Variants in CERS6 observed in about 807,000 individuals in gnomAD.
The protein encoded by CERS6 is ceramide synthase 6, also known as LAG1 homolog, ceramide synthase 6.
CERS6 carries 26 observed loss-of-function variants against 56.8 expected under a neutral mutation model. The ratio of observed to expected loss-of-function variants is 0.46; its 90% confidence interval spans 0.34 to 0.63. The LOEUF (loss-of-function observed/expected upper bound fraction) is 0.63, where lower values mean the gene tolerates loss of function less well. Ranked by LOEUF, CERS6 falls within the 30% of genes least tolerant of loss-of-function variation. The pLI is 0.01. For synonymous variants in CERS6, 164 were observed against 173.3 expected (o/e 0.95, Z 0.42); for missense variants, 415 against 467.5 (o/e 0.89, Z 1.04).
intron 6 of CERS6, among the ~76,000 whole-genome samples, chr2:168,714,136 C>G (rs1487051748): frequency 6.6e-6 from 1 of 152,202 alleles, no homozygotes; most frequent in African/African-American, 2.4e-5. Context: ...AGGGGCAAAG[C>G]AGTTCTCTGG....
chr2:168,490,354 G>A (rs1694348194), intron 1 of CERS6, among the ~76,000 whole-genome samples: 1 of 152,182 alleles, frequency 6.6e-6, no homozygotes, highest in African/African-American at 2.4e-5. Context: ...TGGAGTATGA[G>A]TGGCTCAGGC....
At chr2:168,589,253 A>G (rs1413836898) in intron 3 of CERS6, among the ~76,000 whole-genome samples, 1 of 151,864 alleles carries the variant, frequency 6.6e-6, no homozygotes, top group Non-Finnish European at 1.5e-5. Flanking sequence ...TTCTTTTGTA[A>G]TAGACATCCT....
chr2:168,644,267 G>T, intron 4 of CERS6: 1 of 969,388 alleles, frequency 1.0e-6, no homozygotes, highest in Non-Finnish European at 1.2e-6. Context: ...GAGGATGAAG[G>T]AAGCTTCAGC....
chr2:168,481,989 CTT>C (rs1293183377), intron 1 of CERS6, among the ~76,000 whole-genome samples: 3 of 152,172 alleles, frequency 2.0e-5, no homozygotes, highest in Non-Finnish European at 4.4e-5. Context: ...TTTTCAAAGA[CTT>C]TCAACAGTTC....
intron 3 of CERS6, among the ~76,000 whole-genome samples, chr2:168,567,719 G>C (rs1574070758): frequency 6.6e-6 from 1 of 152,168 alleles, no homozygotes; most frequent in South Asian, 2.1e-4. Context: ...CCTAGTGCTA[G>C]GCACAGTCAT....
chr2:168,499,534 A>G (rs1449750662), intron 1 of CERS6, among the ~76,000 whole-genome samples: 2 of 152,296 alleles, frequency 1.3e-5, no homozygotes, highest in East Asian at 3.9e-4. Context: ...TGTAATGTGT[A>G]GTTGGTACTT....
At chr2:168,748,581 G>T (rs889774712) in intron 8 of CERS6, among the ~76,000 whole-genome samples, 1 of 152,108 alleles carries the variant, frequency 6.6e-6, no homozygotes, top group African/African-American at 2.4e-5. Flanking sequence ...GCTGGCCTGG[G>T]GACTGCTTCA....
chr2:168,662,424 G>A (rs1296870772), intron 4 of CERS6, among the ~76,000 whole-genome samples: 1 of 152,064 alleles, frequency 6.6e-6, no homozygotes, highest in East Asian at 1.9e-4. Flanking sequence ...GGGAACAGCT[G>A]TACCTACAAA....
intron 4 of CERS6, among the ~76,000 whole-genome samples, chr2:168,637,972 AG>A (rs1481608532): frequency 1.3e-5 from 2 of 152,318 alleles, no homozygotes; most frequent in African/African-American, 4.8e-5. Flanking sequence ...AGGTCATAAA[AG>A]AACATGAGGT....
At chr2:168,573,294 T>C (rs1404030399) in intron 3 of CERS6, among the ~76,000 whole-genome samples, 1 of 152,134 alleles carries the variant, frequency 6.6e-6, no homozygotes, top group Admixed American at 6.6e-5. Context: ...TAGCTTTCCC[T>C]GGGGACAGGG....
Position 168,634,601 on chromosome 2 carries a change from T to C in CERS6, c.465+3559T>C, listed in dbSNP as rs143766670. Among the ~76,000 whole-genome samples the C allele has an allele frequency of 4.6e-3, 694 of 152,166 alleles. 4 individuals are homozygous for C. Among genetic ancestry groups the C allele is most frequent in the Middle Eastern group, 0.02 (6 of 294 alleles). On this transcript the variant is annotated intron_variant, in intron 4 of 9. Coordinates refer to ENST00000305747, the MANE Select transcript of CERS6 (RefSeq NM_203463.3). The stretch of plus-strand genomic sequence containing the variant: ...CTAATTTTTATATTTTTAGTACAGA[T>C]GGGATTTCACCATGTTGGCCAGGCT...
At chr2:168,562,083 C>T (rs1558999107) in intron 3 of CERS6, among the ~76,000 whole-genome samples, 1 of 152,186 alleles carries the variant, frequency 6.6e-6, no homozygotes, top group Non-Finnish European at 1.5e-5. Context: ...CTTCCTATGT[C>T]TTCTAACAGT....
At chr2:168,765,514 C>G (rs190023347) in intron 8 of CERS6, 78 bp from the exon 9 acceptor site, 4 of 1,464,610 alleles carry the variant, frequency 2.7e-6, no homozygotes, top group African/African-American at 2.8e-5. Context: ...TGACCTTGTG[C>G]TTTAATGCAG....
intron 1 of CERS6, among the ~76,000 whole-genome samples, chr2:168,536,010 T>G (rs564605479): frequency 2.0e-4 from 31 of 152,250 alleles, no homozygotes; most frequent in Non-Finnish European, 3.4e-4. Flanking sequence ...TTTAAAAATG[T>G]GAAAATCTAG....
At chr2:168,471,409 C>A (rs1693976354) in intron 1 of CERS6, among the ~76,000 whole-genome samples, 1 of 152,164 alleles carries the variant, frequency 6.6e-6, no homozygotes, top group African/African-American at 2.4e-5. Flanking sequence ...TTACATACTA[C>A]TTTTTAGTTT....
chr2:168,580,094 A>T (rs1455101920), intron 3 of CERS6, among the ~76,000 whole-genome samples: 4 of 152,190 alleles, frequency 2.6e-5, no homozygotes, highest in Non-Finnish European at 5.9e-5. Flanking sequence ...AGTTTTGCCT[A>T]TTTAAAAACC....
chr2:168,720,927 C>T (rs917042890), intron 8 of CERS6, among the ~76,000 whole-genome samples: 4 of 152,138 alleles, frequency 2.6e-5, no homozygotes, highest in African/African-American at 9.7e-5. Context: ...TCCAGAAATA[C>T]AGTCATGTAC....
At chr2:168,604,238 G>GT (rs1471242905) in intron 3 of CERS6, among the ~76,000 whole-genome samples, 13 of 152,152 alleles carry the variant, frequency 8.5e-5, no homozygotes, top group Non-Finnish European at 2.9e-5. Context: ...AATTTCCACT[G>GT]TAGGTTTTAG....
intron 3 of CERS6, among the ~76,000 whole-genome samples, chr2:168,575,441 A>G (rs1032248229): frequency 6.6e-6 from 1 of 151,518 alleles, no homozygotes; most frequent in Non-Finnish European, 1.5e-5. Context: ...CCACTTCCTC[A>G]CTCTCTTTAA....
Sources: gnomAD v4.1 joint callset for allele counts (sites outside exome capture counted in the v4.1 genomes callset) on GRCh38, gnomAD v4.1.1 for gene constraint, MANE v1.5 for transcripts, NCBI Gene and HGNC (gene_info 2026-07-23, HGNC 2026-07-21) for gene names.